The following LONP2 variants were observed in gnomAD, a reference collection of about 807,000 sequenced individuals.
LONP2 encodes lon peptidase 2, peroxisomal.
A neutral mutation model predicts 85.6 loss-of-function variants in LONP2; 60 were observed. The ratio of observed to expected loss-of-function variants is 0.70; its 90% CI spans 0.57 to 0.87. The LOEUF is 0.87. Ranked by LOEUF, LONP2 falls within the 40% of genes least tolerant of loss-of-function variation. LONP2 has a pLI of 0.00. For synonymous variants in LONP2, 395 were observed against 389.7 expected, an observed-to-expected ratio of 1.01 and a Z score of -0.16; for missense variants, 860 against 1,063.5, an observed-to-expected ratio of 0.81 and a Z score of 2.66.
chr16:48,256,313 G>A (rs1044111364), intron 2 of LONP2, among the ~76,000 whole-genome samples: 2 of 152,098 alleles, frequency 1.3e-5, no homozygotes, highest in East Asian at 1.9e-4. Context: ...CAACTTTTTT[G>A]TACATTTGAA....
chr16:48,246,311 T>C (rs1034525342), intron 1 of LONP2, among the ~76,000 whole-genome samples: 2 of 152,218 alleles, frequency 1.3e-5, no homozygotes, highest in African/African-American at 2.4e-5. Context: ...ATAAATTGTA[T>C]TGGATTCTAG....
intron 8 of LONP2, among the ~76,000 whole-genome samples, chr16:48,295,326 T>G (rs974905165): frequency 6.6e-6 from 1 of 152,114 alleles, no homozygotes; most frequent in Non-Finnish European, 1.5e-5. Context: ...GAGCTGAGAT[T>G]GTGCCACTGC....
At chr16:48,297,519 A>G (rs1972699344) in intron 9 of LONP2, among the ~76,000 whole-genome samples, 1 of 152,178 alleles carries the variant, frequency 6.6e-6, no homozygotes, top group Non-Finnish European at 1.5e-5. Context: ...CATATTGGCC[A>G]GGCTGGTCTT....
intron 1 of LONP2, 43 bp from the exon 2 acceptor site, chr16:48,252,088 C>T (rs955047329): frequency 1.4e-5 from 19 of 1,381,084 alleles, no homozygotes; most frequent in Middle Eastern, 1.9e-4. Flanking sequence ...TCTGTTCTAC[C>T]GTATTGAATG....
chr16:48,315,894 G>C (rs1973130050), intron 11 of LONP2, among the ~76,000 whole-genome samples: 1 of 134,414 alleles, frequency 7.4e-6, no homozygotes, highest in Non-Finnish European at 1.6e-5. Flanking sequence ...ATTCCAGTTT[G>C]TTATTGCTTT....
chr16:48,325,593 T>A (rs1186765573), intron 11 of LONP2, among the ~76,000 whole-genome samples: 3 of 152,376 alleles, frequency 2.0e-5, no homozygotes, highest in East Asian at 3.9e-4. Context: ...GACAGGATTT[T>A]ATTCTTTTTG....
chr16:48,314,926 T>C lies in LONP2; in HGVS notation c.1795+11621T>C, dbSNP rs966054398. 7.2e-5 allele frequency among the ~76,000 whole-genome samples: 11 copies of C among 152,244 alleles called. 1 individual carries two copies. Among genetic ancestry groups the C allele is most frequent in the African/African-American group, 2.7e-4 (11 of 41,468 alleles). The stretch of plus-strand genomic sequence containing the variant: ...TTTGGATTTTCTGCATCTACCATCC[T>C]GTAATCACAAATGCAGATGTCAGTT... On this transcript the variant is annotated intron_variant, in intron 11 of 14. Coordinates refer to ENST00000285737, the MANE Select transcript of LONP2 (RefSeq NM_031490.5).
Position 48,244,345 on chromosome 16 carries a change from T to C in LONP2, c.-44T>C. 3.6e-6 allele frequency: 5 copies of C among 1,407,062 alleles called. No homozygotes were observed. In the South Asian group the frequency reaches 6.9e-5, roughly 19 times the overall value. The allele number at this position is 1,407,062 out of a possible 1,614,324, so 87.2% of individuals were successfully genotyped here. ...GCGGGGCAGGCCGGGGGCAGCTGTC[T>C]GTCTGGCTCTTTTTGACAGCCCCCA... is the stretch of plus-strand genomic sequence containing the variant. On this transcript the variant is annotated 5_prime_UTR_variant, in exon 1 of 15. Coordinates refer to ENST00000285737, the MANE Select transcript of LONP2 (RefSeq NM_031490.5).
At chr16:48,347,901 AAAGGTTTATTTTGTTTT>A (rs1960019366) in intron 13 of LONP2, among the ~76,000 whole-genome samples, 182 bp from the exon 14 acceptor site, 2 of 152,216 alleles carry the variant, frequency 1.3e-5, no homozygotes, top group South Asian at 4.1e-4. Flanking sequence ...AACTAATTCA[AAAGGTTTATTTTGTTTT>A]AATACGACTT....
chr16:48,294,581 C>T (rs1972628186), intron 8 of LONP2, among the ~76,000 whole-genome samples: 3 of 152,014 alleles, frequency 2.0e-5, no homozygotes, highest in Admixed American at 6.6e-5. Context: ...ATCTGGCCAA[C>T]ATGGTGAAAC....
At chr16:48,311,943 CTT>C (rs112833019) in intron 11 of LONP2, among the ~76,000 whole-genome samples, 1 of 143,846 alleles carries the variant, frequency 7.0e-6, no homozygotes. Flanking sequence ...ACAGCTTCTT[CTT>C]TTTTTTTTTT....
At chr16:48,351,245 T>TCA (rs1296682426) in intron 14 of LONP2, among the ~76,000 whole-genome samples, 3 of 152,178 alleles carry the variant, frequency 2.0e-5, no homozygotes, top group Non-Finnish European at 4.4e-5. Flanking sequence ...CTTTTTCAGA[T>TCA]CAACCTAAAG....
intron 11 of LONP2, among the ~76,000 whole-genome samples, chr16:48,315,436 T>C (rs1186727286): frequency 3.3e-5 from 5 of 152,176 alleles, no homozygotes; most frequent in African/African-American, 1.2e-4. Flanking sequence ...TGCCAGCTTC[T>C]GACAGGAACC....
At chr16:48,285,354 T>C (rs1163365508) in intron 8 of LONP2, among the ~76,000 whole-genome samples, 1 of 152,202 alleles carries the variant, frequency 6.6e-6, no homozygotes, top group Non-Finnish European at 1.5e-5. Context: ...TTTGAGCTTC[T>C]TGGATGTGTA....
rs1459801200 is a variant in LONP2 at position 48,252,150 on chromosome 16, G to T, written c.253G>T (p.Ala85Ser). 1 of 1,596,396 alleles carries T rather than the reference G, an allele frequency of 6.3e-7. No homozygotes were observed. The highest frequency in any genetic ancestry group is 2.3e-5 in the East Asian group (1 of 44,362). The change falls in exon 2 of 15, where the codon GCC (alanine) becomes TCC (serine). Residue 85 changes from alanine to serine, a missense_variant. This residue lies in a region of LONP2 where 743 missense variants were observed against 917.3 expected (regional missense o/e 0.81). Coordinates refer to ENST00000285737, the MANE Select transcript of LONP2 (RefSeq NM_031490.5). ...TTTCAGGATTGGCACAGCTGCACTG[G>T]CCGTTCAGGTTGTGGGCAGTAACTG... ...PLHRIGTAAL[A>S]VQVVGSNWPK...
chr16:48,293,177 C>G (rs111310990), intron 8 of LONP2, among the ~76,000 whole-genome samples: 2,082 of 152,090 alleles, frequency 0.014, 48 homozygotes, highest in African/African-American at 0.047. Flanking sequence ...GCCTGTAATC[C>G]CAGCACTTTG....
chr16:48,290,853 T>C (rs941603271), intron 8 of LONP2, among the ~76,000 whole-genome samples: 36 of 152,176 alleles, frequency 2.4e-4, no homozygotes, highest in African/African-American at 8.4e-4. Flanking sequence ...CCCAAGAGAT[T>C]GGGCTGGGGA....
In LONP2 at chr16:48,299,754, A is replaced by G. The variant is rs144805898; in HGVS notation, c.1627A>G (p.Ile543Val). 1.1e-5 allele frequency: 18 copies of G among 1,613,904 alleles called. No individual in the cohort carries two copies. The highest frequency in any genetic ancestry group is 1.5e-5 in the Non-Finnish European group (18 of 1,179,940). ...QHGLTPQQIQIPQVTTLDIIT... is the reference protein window; with the variant it reads ...QHGLTPQQIQVPQVTTLDIIT... ...TGGGCTGACTCCACAGCAGATTCAG[A>G]TACCCCAGGTCACCACTCTTGACAT... Residue 543 changes from isoleucine to valine, a missense_variant, in exon 10 of 15, where the codon ATA becomes GTA. Transcript: ENST00000285737.
At chr16:48,253,201 G>T (rs1825176306) in intron 2 of LONP2, among the ~76,000 whole-genome samples, 1 of 152,116 alleles carries the variant, frequency 6.6e-6, no homozygotes, top group Admixed American at 6.5e-5. Context: ...CAGGTGCGCT[G>T]GTGCACACCT....
Sources: allele counts gnomAD v4.1 joint callset (sites outside exome capture counted in the v4.1 genomes callset), GRCh38; gene constraint gnomAD v4.1.1; regional missense constraint gnomAD v4.1.1; transcripts MANE v1.5; gene names NCBI Gene and HGNC (gene_info 2026-07-23, HGNC 2026-07-21).